The following AGBL4 variants were observed in gnomAD, a reference collection of about 807,000 sequenced individuals.
The protein encoded by AGBL4 is AGBL carboxypeptidase 4.
In AGBL4, 58 loss-of-function variants were observed where a neutral mutation model predicts 66.4. The observed-to-expected ratio is 0.87, with a 90% CI of 0.71 to 1.09. The LOEUF (loss-of-function observed/expected upper bound fraction) is 1.09, where lower values mean the gene tolerates loss of function less well. AGBL4 is among the 50% of genes least tolerant of loss of function. AGBL4 has a pLI of 0.00. For missense variants in AGBL4, 579 were observed against 631.0 expected, an observed-to-expected ratio of 0.92 and a Z score of 0.88; for synonymous variants, 234 against 222.9, an observed-to-expected ratio of 1.05 and a Z score of -0.44.
intron 5 of AGBL4, among the ~76,000 whole-genome samples, chr1:49,032,398 G>A (rs1664304974): frequency 6.6e-6 from 1 of 152,154 alleles, no homozygotes; most frequent in East Asian, 1.9e-4. Flanking sequence ...GAATGACAAG[G>A]AGTGGCAGGG....
intron 2 of AGBL4, among the ~76,000 whole-genome samples, chr1:49,743,456 G>C (rs1375656586): frequency 6.6e-6 from 1 of 152,198 alleles, no homozygotes; most frequent in South Asian, 2.1e-4. Flanking sequence ...CTGTTGGTGG[G>C]ACTGTAAACT....
intron 2 of AGBL4, among the ~76,000 whole-genome samples, chr1:49,725,474 TG>T (rs1648947957): frequency 6.6e-6 from 1 of 152,160 alleles, no homozygotes; most frequent in Non-Finnish European, 1.5e-5. Flanking sequence ...GTGGTTTCGC[TG>T]ATCTATGCTG....
chr1:49,545,565 C>A (rs1652406953), intron 3 of AGBL4, among the ~76,000 whole-genome samples: 1 of 152,156 alleles, frequency 6.6e-6, no homozygotes, highest in Non-Finnish European at 1.5e-5. Context: ...AGTCTAAGTT[C>A]ACATATTAGT....
intron 3 of AGBL4, among the ~76,000 whole-genome samples, chr1:49,305,487 A>T (rs1644832997): frequency 6.6e-6 from 1 of 152,164 alleles, no homozygotes; most frequent in Non-Finnish European, 1.5e-5. Flanking sequence ...TTGGTTGCTG[A>T]TGTGAACCTG....
intron 2 of AGBL4, among the ~76,000 whole-genome samples, chr1:49,707,007 G>T (rs1361731299): frequency 6.6e-6 from 1 of 152,152 alleles, no homozygotes; most frequent in Non-Finnish European, 1.5e-5. Flanking sequence ...GTGCTGAGAA[G>T]AATGTATATT....
At chr1:49,235,953 T>C (rs554183641) in intron 4 of AGBL4, among the ~76,000 whole-genome samples, 2 of 152,252 alleles carry the variant, frequency 1.3e-5, no homozygotes, top group East Asian at 3.9e-4. Context: ...CTATTTCTAG[T>C]TGAACATGTT....
chr1:49,300,710 T>A (rs558166189), intron 3 of AGBL4, among the ~76,000 whole-genome samples: 1 of 152,188 alleles, frequency 6.6e-6, no homozygotes, highest in Non-Finnish European at 1.5e-5. Flanking sequence ...CCCTAGATGA[T>A]CTTTCCTGCA....
At chr1:49,702,187 G>C (rs1335036118) in intron 2 of AGBL4, among the ~76,000 whole-genome samples, 1 of 152,096 alleles carries the variant, frequency 6.6e-6, no homozygotes, top group African/African-American at 2.4e-5. Context: ...ATTAAAACTT[G>C]TTAAAAAATT....
At chr1:48,823,723 C>T (rs911263881) in intron 6 of AGBL4, among the ~76,000 whole-genome samples, 1 of 152,222 alleles carries the variant, frequency 6.6e-6, no homozygotes, top group Admixed American at 6.5e-5. Flanking sequence ...AGGAATAAAT[C>T]TGATTCTCCT....
chr1:48,683,550 A>G (rs973812031), intron 6 of AGBL4, among the ~76,000 whole-genome samples: 1 of 151,130 alleles, frequency 6.6e-6, no homozygotes, highest in African/African-American at 2.5e-5. Flanking sequence ...GGATGAGGCA[A>G]AACCACCACA....
rs1466480434 is a variant in AGBL4 at position 48,634,591 on chromosome 1, C to A, written c.853G>T (p.Gly285Ter). 3 of 1,600,264 alleles carry A rather than the reference C, an allele frequency of 1.9e-6. No individual in the cohort carries two copies. The highest frequency in any genetic ancestry group is 1.1e-5 in the South Asian group (1 of 88,060). ...AGCCAGTGACGATTCAGATCAAATC[C>A]CATCAGAGAACACCTAGGCAGTACC... The part of the protein sequence containing the change: ...YLGNYRCSLM[G>*]FDLNRHWLDP... The change falls in exon 9 of 14, where the codon GGA (glycine) becomes TGA (stop). Residue 285 changes from glycine (G) to a stop codon, truncating the protein, a stop_gained. Transcript: ENST00000371839. LOFTEE classifies it high-confidence loss of function.
intron 5 of AGBL4, among the ~76,000 whole-genome samples, chr1:48,899,315 ATT>A (rs1651859119): frequency 2.0e-5 from 3 of 152,226 alleles, no homozygotes; most frequent in African/African-American, 7.2e-5. Context: ...CTCTTGCCTC[ATT>A]TCAAACTAGT....
intron 3 of AGBL4, among the ~76,000 whole-genome samples, chr1:49,308,358 T>G (rs1644884897): frequency 6.6e-6 from 1 of 152,128 alleles, no homozygotes; most frequent in Non-Finnish European, 1.5e-5. Context: ...AAAATGTAGA[T>G]ATATAAGATA....
intron 4 of AGBL4, among the ~76,000 whole-genome samples, chr1:49,133,347 C>A (rs1025791818): frequency 6.6e-6 from 1 of 152,038 alleles, no homozygotes; most frequent in Non-Finnish European, 1.5e-5. Flanking sequence ...CACATGTATA[C>A]CTATGTAACA....
At chr1:48,816,021 T>C (rs186872034) in intron 6 of AGBL4, among the ~76,000 whole-genome samples, 4 of 151,638 alleles carry the variant, frequency 2.6e-5, no homozygotes, top group Admixed American at 2.6e-4. Flanking sequence ...TGGGCAGATT[T>C]TGGCCACTTA....
At chr1:49,391,716 C>T (rs1644853957) in intron 3 of AGBL4, among the ~76,000 whole-genome samples, 1 of 151,996 alleles carries the variant, frequency 6.6e-6, no homozygotes, top group Admixed American at 6.6e-5. Context: ...CACCGGCCAC[C>T]ACACCCGGCT....
chr1:49,927,952 T>C (rs1397354081), intron 1 of AGBL4, among the ~76,000 whole-genome samples: 1 of 152,224 alleles, frequency 6.6e-6, no homozygotes, highest in Non-Finnish European at 1.5e-5. Flanking sequence ...ATTTTAACTG[T>C]ATTCCATATG....
intron 9 of AGBL4, among the ~76,000 whole-genome samples, chr1:48,593,733 A>T (rs1644952514): frequency 6.6e-6 from 1 of 152,212 alleles, no homozygotes; most frequent in African/African-American, 2.4e-5. Flanking sequence ...CCTGGGCGAC[A>T]GTGCGAGACT....
At chr1:49,100,133 C>T (rs915338974) in intron 4 of AGBL4, among the ~76,000 whole-genome samples, 11 of 152,224 alleles carry the variant, frequency 7.2e-5, no homozygotes, top group Admixed American at 3.9e-4. Context: ...GGGTTCAAAC[C>T]TGCTGAAGGA....
Sources: allele counts gnomAD v4.1 joint callset (sites outside exome capture counted in the v4.1 genomes callset), GRCh38; gene constraint gnomAD v4.1.1; transcripts MANE v1.5; gene names NCBI Gene and HGNC (gene_info 2026-07-23, HGNC 2026-07-21).